Variants in UNC13B observed in about 807,000 individuals in gnomAD.
The protein encoded by UNC13B is protein unc-13 homolog B.
UNC13B carries 144 observed loss-of-function variants against 211.0 expected under a neutral mutation model. The observed-to-expected ratio is 0.68, with a 90% CI of 0.60 to 0.78. The LOEUF (loss-of-function observed/expected upper bound fraction) is 0.78. Ranked by LOEUF, UNC13B falls within the 30% of genes least tolerant of loss-of-function variation. The pLI is 0.00. For missense variants in UNC13B, 1,777 were observed against 2,002.0 expected, an observed-to-expected ratio of 0.89 and a Z score of 2.14; for synonymous variants, 709 against 725.8, an observed-to-expected ratio of 0.98 and a Z score of 0.37.
chr9:35,167,828 C>A (rs1821126422), intron 1 of UNC13B, among the ~76,000 whole-genome samples: 1 of 145,190 alleles, frequency 6.9e-6, no homozygotes, highest in Non-Finnish European at 1.5e-5. Context: ...TGGTGTTGAA[C>A]TCCTGACCTT....
intron 1 of UNC13B, among the ~76,000 whole-genome samples, chr9:35,212,641 C>G (rs1824034348): frequency 1.3e-5 from 2 of 152,190 alleles, no homozygotes; most frequent in African/African-American, 4.8e-5. Context: ...ATATTATAAA[C>G]TACATGACCT....
chr9:35,200,816 A>G (rs972224137), intron 1 of UNC13B, among the ~76,000 whole-genome samples: 3 of 152,334 alleles, frequency 2.0e-5, no homozygotes, highest in African/African-American at 4.8e-5. Context: ...TCCTAATTGA[A>G]TACCCTTTAT....
At chr9:35,205,286 T>C (rs1823578699) in intron 1 of UNC13B, among the ~76,000 whole-genome samples, 1 of 152,146 alleles carries the variant, frequency 6.6e-6, no homozygotes, top group Non-Finnish European at 1.5e-5. Context: ...TTCAGGTATT[T>C]ATGGCAATAC....
chr9:35,316,851 G>A (rs879892749), intron 11 of UNC13B, among the ~76,000 whole-genome samples: 1 of 151,934 alleles, frequency 6.6e-6, no homozygotes, highest in Non-Finnish European at 1.5e-5. Flanking sequence ...GTAATTGAAT[G>A]TACAATCAGA....
chr9:35,217,331 T>A (rs1824302595), intron 1 of UNC13B, among the ~76,000 whole-genome samples: 1 of 152,126 alleles, frequency 6.6e-6, no homozygotes, highest in Non-Finnish European at 1.5e-5. Context: ...ATTAAAAGTA[T>A]TTTCTTTAAA....
chr9:35,235,441 C>T (rs925423832), intron 3 of UNC13B, among the ~76,000 whole-genome samples: 1 of 151,940 alleles, frequency 6.6e-6, no homozygotes, highest in African/African-American at 2.4e-5. Context: ...CATAAATCCC[C>T]CCCGCCCCGC....
chr9:35,270,801 G>A (rs888174372), intron 7 of UNC13B, among the ~76,000 whole-genome samples: 1 of 152,080 alleles, frequency 6.6e-6, no homozygotes, highest in Non-Finnish European at 1.5e-5. Flanking sequence ...AGTGAAGATC[G>A]TCTTTTTGCA....
At chr9:35,280,217 AGAT>A (rs753106104) in intron 7 of UNC13B, among the ~76,000 whole-genome samples, 1 of 152,200 alleles carries the variant, frequency 6.6e-6, no homozygotes, top group Non-Finnish European at 1.5e-5. Flanking sequence ...ATTCTAGAAA[AGAT>A]GAGTTTCGAG....
chr9:35,362,794 C>A, intron 11 of UNC13B, among the ~76,000 whole-genome samples: 1 of 130,332 alleles, frequency 7.7e-6, no homozygotes, highest in East Asian at 2.3e-4. Context: ...AGCGAGACTC[C>A]GTCTCAAAAA....
intron 1 of UNC13B, among the ~76,000 whole-genome samples, chr9:35,204,777 G>T (rs1420471716): frequency 6.6e-6 from 1 of 152,190 alleles, no homozygotes; most frequent in African/African-American, 2.4e-5. Flanking sequence ...AGCTGGAAGG[G>T]GCTTGCCTTG....
chr9:35,306,223 A>G lies in UNC13B; in HGVS notation c.6819A>G (p.Gln2273=), dbSNP rs1829916328. ...SSSGHRDSIA[Q]EVVHEQQMAP... ...GTGGTCATAGAGATAGCATAGCCCAAGAAGTAGTTCATGAACAGCAAATGG... is the reference window on the plus strand; with the variant it reads ...GTGGTCATAGAGATAGCATAGCCCAGGAAGTAGTTCATGAACAGCAAATGG... The change falls in exon 9 of 40, where the codon CAA becomes CAG. Residue 2273 remains glutamine, a synonymous_variant. Coordinates refer to ENST00000635942, the MANE Select transcript of UNC13B (RefSeq NM_001371189.2). 1 of 399,076 alleles carries G rather than the reference A, an allele frequency of 2.5e-6. No individual in the cohort carries two copies. The highest frequency in any genetic ancestry group is 4.4e-6 in the Non-Finnish European group (1 of 226,058). The allele number at this position is 399,076 out of a possible 1,614,324, so 24.7% of individuals were successfully genotyped here.
At chr9:35,225,674 CAGTGGTG>C (rs1412959875) in intron 1 of UNC13B, among the ~76,000 whole-genome samples, 1 of 151,950 alleles carries the variant, frequency 6.6e-6, no homozygotes, top group African/African-American at 2.4e-5. Context: ...CTTGGCTTCT[CAGTGGTG>C]TAGGCTATAA....
chr9:35,385,544 C>G (rs1337238336), intron 22 of UNC13B, 180 bp from the exon 23 acceptor site: 3 of 985,208 alleles, frequency 3.0e-6, no homozygotes, highest in Non-Finnish European at 3.6e-6. Context: ...TTGGCAAGAG[C>G]CTGTTTGCAT....
intron 1 of UNC13B, among the ~76,000 whole-genome samples, chr9:35,164,908 G>A (rs1389306610): frequency 6.6e-6 from 1 of 152,184 alleles, no homozygotes; most frequent in Non-Finnish European, 1.5e-5. Context: ...TATGCTGCCT[G>A]CAACTGGTCT....
chr9:35,353,380 T>A, intron 11 of UNC13B: 1 of 1,231,772 alleles, frequency 8.1e-7, no homozygotes, highest in Non-Finnish European at 1.0e-6. Context: ...GCAATGAGAG[T>A]GGTTCCCAGT....
rs150402396 is a variant in UNC13B, at chr9:35,219,409, G to A, written c.23-8606G>A. Among the ~76,000 whole-genome samples, 1,227 of 152,206 alleles carry A rather than the reference G, an allele frequency of 8.1e-3. 16 individuals are homozygous for A. Among genetic ancestry groups the A allele is most frequent in the Non-Finnish European group, 0.012 (840 of 68,012 alleles). On this transcript the variant is annotated intron_variant, in intron 1 of 39. Transcript: ENST00000635942. ...ATAGAAAACCAGTGTATTAAACAGCGAGGTATAGATAGAAACTGTTTTCCA... is the reference window on the plus strand; with the variant it reads ...ATAGAAAACCAGTGTATTAAACAGCAAGGTATAGATAGAAACTGTTTTCCA...
At chr9:35,318,966 G>A (rs1396534678) in intron 11 of UNC13B, among the ~76,000 whole-genome samples, 1 of 152,114 alleles carries the variant, frequency 6.6e-6, no homozygotes, top group African/African-American at 2.4e-5. Context: ...AGTCACAATG[G>A]TAAAAGGAAG....
intron 1 of UNC13B, among the ~76,000 whole-genome samples, chr9:35,213,014 C>T (rs1824054292): frequency 6.6e-6 from 1 of 152,152 alleles, no homozygotes; most frequent in Non-Finnish European, 1.5e-5. Flanking sequence ...ACAATAGTAC[C>T]CACCTTTTCT....
At position 35,196,711 on chromosome 9, in the gene UNC13B, G is replaced by A. The variant is rs554668299; in HGVS notation, c.23-31304G>A. On this transcript the variant is annotated intron_variant, in intron 1 of 39. Transcript: ENST00000635942. Reference sequence around the variant, plus strand: ...GTAATATGGATGAGGCAGGAATTGTGTGCTGAAGTACCTCCCAGCTTTGAC... The same window carrying A: ...GTAATATGGATGAGGCAGGAATTGTATGCTGAAGTACCTCCCAGCTTTGAC... Among the ~76,000 whole-genome samples, 21 of 152,224 alleles carry A rather than the reference G, an allele frequency of 1.4e-4. No homozygotes were observed. In the South Asian group the frequency reaches 3.9e-3, roughly 29 times the overall value.
Sources: gnomAD v4.1 joint callset for allele counts (sites outside exome capture counted in the v4.1 genomes callset) on GRCh38, gnomAD v4.1.1 for gene constraint, MANE v1.5 for transcripts, NCBI Gene and HGNC (gene_info 2026-07-23, HGNC 2026-07-21) for gene names.